Variants in FUBP1 observed in about 807,000 individuals in gnomAD.
FUBP1 encodes far upstream element binding protein 1, also known as far upstream element-binding protein 1.
FUBP1 carries 16 observed loss-of-function variants against 94.9 expected under a neutral mutation model. The ratio of observed to expected loss-of-function variants is 0.17; its 90% CI spans 0.11 to 0.26. The LOEUF (loss-of-function observed/expected upper bound fraction) is 0.26. Ranked by LOEUF, FUBP1 falls within the 10% of genes least tolerant of loss-of-function variation. The pLI is 1.00. For missense variants in FUBP1, 583 were observed against 808.6 expected, an observed-to-expected ratio of 0.72 and a Z score of 3.38; for synonymous variants, 279 against 254.9, an observed-to-expected ratio of 1.09 and a Z score of -0.90.
rs530677867 is a variant in FUBP1 at position 77,954,732 on chromosome 1, A to C, written c.1780+523T>G. Among the ~76,000 whole-genome samples, 11 of 152,326 alleles carry C rather than the reference A, an allele frequency of 7.2e-5. No individual in the cohort carries two copies. In the East Asian group the frequency reaches 2.1e-3, roughly 29 times the overall value. ...GTAATAATTTTAAATGACTAAGAGC[A>C]AAAGCAGCTGAAATATAGTGATTTG... is the stretch of plus-strand genomic sequence containing the variant. On this transcript the variant is annotated intron_variant, in intron 18 of 19. Transcript: ENST00000370768.
chr1:77,973,985 C>T (rs572435456), intron 1 of FUBP1, among the ~76,000 whole-genome samples: 1 of 152,118 alleles, frequency 6.6e-6, no homozygotes, highest in South Asian at 2.1e-4. Flanking sequence ...TGCAGTGGCA[C>T]GATCATGGCT....
In FUBP1 at chr1:77,966,730, C is replaced by G; in HGVS notation, c.437G>C (p.Arg146Thr). 6.3e-7 allele frequency: 1 copy of G among 1,580,918 alleles called. No individual in the cohort carries two copies. The highest frequency in any genetic ancestry group is 1.1e-5 in the South Asian group (1 of 90,288). The change falls in exon 7 of 20, where the codon AGG becomes ACG. Residue 146 changes from arginine to threonine, a missense_variant. Arg to Thr is a moderately conservative substitution (Grantham distance 71). Transcript: ENST00000370768. ...AGGTGTTCCAGTTAACATACAGGACCTTTCTGGAAGGCCACCACTGTCTAC... is the reference window on the plus strand; with the variant it reads ...AGGTGTTCCAGTTAACATACAGGACGTTTCTGGAAGGCCACCACTGTCTAC... ...IAPDSGGLPERSCMLTGTPES... is the reference protein window; with the variant it reads ...IAPDSGGLPETSCMLTGTPES...
intron 14 of FUBP1, among the ~76,000 whole-genome samples, chr1:77,962,560 A>C (rs912539828): frequency 1.3e-5 from 2 of 152,334 alleles, no homozygotes; most frequent in African/African-American, 4.8e-5. Flanking sequence ...ACCCAAATGT[A>C]AGGTTGTTCT....
chr1:77,954,356 G>C (rs938760091), intron 18 of FUBP1, among the ~76,000 whole-genome samples: 1 of 152,086 alleles, frequency 6.6e-6, no homozygotes, highest in Non-Finnish European at 1.5e-5. Context: ...CCTAAGCTAG[G>C]TCACAAAAAC....
chr1:77,969,342 C>T (rs1657084991), intron 2 of FUBP1, among the ~76,000 whole-genome samples: 2 of 151,974 alleles, frequency 1.3e-5, no homozygotes, highest in South Asian at 4.1e-4. Context: ...CTTCTAAGTT[C>T]AGAAGCTTCA....
intron 1 of FUBP1, among the ~76,000 whole-genome samples, chr1:77,977,433 G>A (rs1188651090): frequency 6.6e-6 from 1 of 152,228 alleles, no homozygotes; most frequent in African/African-American, 2.4e-5. Flanking sequence ...GGCTGAGGCA[G>A]GAGAATTGCT....
At chr1:77,978,257 G>C (rs1204675904) in intron 1 of FUBP1, among the ~76,000 whole-genome samples, 1 of 152,224 alleles carries the variant, frequency 6.6e-6, no homozygotes, top group Non-Finnish European at 1.5e-5. Flanking sequence ...ACTCTGAACT[G>C]AGAGGCAGAT....
intron 10 of FUBP1, 34 bp downstream of exon 10, chr1:77,964,612 A>G (rs1656131954): frequency 1.8e-6 from 2 of 1,133,624 alleles, no homozygotes; most frequent in African/African-American, 3.0e-5. Flanking sequence ...ATGAATTAGC[A>G]TACAACCATT....
At chr1:77,966,621 A>G (rs1200594281) in intron 7 of FUBP1, 73 bp downstream of exon 7, 3 of 807,310 alleles carry the variant, frequency 3.7e-6, no homozygotes, top group Non-Finnish European at 6.5e-6. Context: ...AAGCAGTAAC[A>G]AAGAGAAGAG....
intron 2 of FUBP1, among the ~76,000 whole-genome samples, chr1:77,968,867 C>G (rs868281239): frequency 2.0e-5 from 3 of 152,090 alleles, no homozygotes; most frequent in Admixed American, 6.5e-5. Context: ...TCTCCTCCCC[C>G]CTTCAAACTT....
At chr1:77,972,771 A>G (rs1158504948) in intron 1 of FUBP1, among the ~76,000 whole-genome samples, 2 of 151,516 alleles carry the variant, frequency 1.3e-5, no homozygotes, top group African/African-American at 4.8e-5. Context: ...CAAAAAAGAA[A>G]AAAAGAAAAG....
At chr1:77,972,510 C>A (rs1027264135) in intron 1 of FUBP1, among the ~76,000 whole-genome samples, 3 of 149,996 alleles carry the variant, frequency 2.0e-5, no homozygotes, top group African/African-American at 7.4e-5. Flanking sequence ...TTTGGGAGGC[C>A]GAGGCAGGGC....
chr1:77,968,395 G>A (rs766739632), intron 2 of FUBP1, among the ~76,000 whole-genome samples, 192 bp from the exon 3 acceptor site: 9 of 151,858 alleles, frequency 5.9e-5, no homozygotes, highest in Non-Finnish European at 1.2e-4. Context: ...TTCTCTTCAC[G>A]TTCAAAAGAT....
At chr1:77,975,476 A>C (rs1030211525) in intron 1 of FUBP1, among the ~76,000 whole-genome samples, 1 of 152,222 alleles carries the variant, frequency 6.6e-6, no homozygotes, top group Non-Finnish European at 1.5e-5. Context: ...TATGCAGCCT[A>C]AATCACTTTT....
chr1:77,958,101 A>G (rs757196662), intron 16 of FUBP1, among the ~76,000 whole-genome samples: 10 of 152,172 alleles, frequency 6.6e-5, no homozygotes, highest in Non-Finnish European at 1.2e-4. Flanking sequence ...CATTATCTGT[A>G]TATTAATCAA....
rs1318950511 is a variant in FUBP1 at position 77,966,675 on chromosome 1, T to A, written c.473+19A>T. 2 of 1,312,424 alleles carry A rather than the reference T, an allele frequency of 1.5e-6. No homozygotes were observed. Among genetic ancestry groups the A allele is most frequent in the South Asian group, 2.4e-5 (2 of 83,292 alleles). 81.3% of individuals were successfully genotyped at this position (1,312,424 alleles called of 1,614,324 possible). On this transcript the variant is annotated intron_variant, in intron 7 of 19. Transcript: ENST00000370768. ...TGCTGTTGTTACTTAAGTAGATTTT[T>A]AAGATTTTTCAAACTTACTGGACAG...
At chr1:77,967,431 A>G (rs1044892138) in intron 4 of FUBP1, among the ~76,000 whole-genome samples, 196 bp downstream of exon 4, 1 of 152,146 alleles carries the variant, frequency 6.6e-6, no homozygotes, top group Non-Finnish European at 1.5e-5. Context: ...AATTCCACCT[A>G]TCTCTCCAAA....
intron 1 of FUBP1, among the ~76,000 whole-genome samples, chr1:77,972,281 A>G (rs910587710): frequency 6.6e-6 from 1 of 152,192 alleles, no homozygotes; most frequent in Non-Finnish European, 1.5e-5. Context: ...TGGTGCTACC[A>G]AGAATAGGAA....
intron 1 of FUBP1, among the ~76,000 whole-genome samples, chr1:77,977,234 G>A (rs1321884708): frequency 6.6e-6 from 1 of 152,198 alleles, no homozygotes; most frequent in Admixed American, 6.5e-5. Flanking sequence ...AAGGCCGGGC[G>A]CAGCGGCTCA....
Sources: gnomAD v4.1 joint callset for allele counts (sites outside exome capture counted in the v4.1 genomes callset) on GRCh38, gnomAD v4.1.1 for gene constraint, MANE v1.5 for transcripts, NCBI Gene and HGNC (gene_info 2026-07-23, HGNC 2026-07-21) for gene names.